Variants in ATL3 observed in about 807,000 individuals in gnomAD.
The protein encoded by ATL3 is atlastin GTPase 3.
ATL3 carries 49 observed loss-of-function variants against 69.5 expected under a neutral mutation model. That is an observed-to-expected ratio of 0.71 (90% confidence interval 0.56 to 0.89). The LOEUF (loss-of-function observed/expected upper bound fraction) is 0.89. Ranked by LOEUF, ATL3 falls within the 40% of genes least tolerant of loss-of-function variation. The probability of loss-of-function intolerance (pLI) is 0.00; values close to 1 mark genes in which losing one functional copy is unlikely to be tolerated. For synonymous variants in ATL3, 214 were observed against 224.1 expected (o/e 0.95, Z 0.40); for missense variants, 606 against 645.7 (o/e 0.94, Z 0.67).
intron 1 of ATL3, among the ~76,000 whole-genome samples, chr11:63,668,302 G>GT (rs773593489): frequency 2.0e-5 from 3 of 152,164 alleles, no homozygotes; most frequent in Non-Finnish European, 4.4e-5. Context: ...ACAGGCAAGA[G>GT]TAAGTATACT....
Position 63,624,310 on chromosome 11 carries a change from A to G in ATL3, c.*5009T>C, listed in dbSNP as rs1416917125. 6.6e-6 allele frequency: 1 copy of G among 152,226 alleles called. No homozygotes were observed. The highest frequency in any genetic ancestry group is 1.5e-5 in the Non-Finnish European group (1 of 68,036). The allele number at this position is 152,226 out of a possible 1,614,324, so 9.4% of individuals were successfully genotyped here. On this transcript the variant is annotated 3_prime_UTR_variant, in exon 13 of 13. Coordinates refer to ENST00000398868, the MANE Select transcript of ATL3 (RefSeq NM_015459.5). Reference sequence around the variant, plus strand: ...AAATTTGTGTATGTACAAGATTAGTATTAACTCCTTTAAGGCTTACATCCA... The same window carrying G: ...AAATTTGTGTATGTACAAGATTAGTGTTAACTCCTTTAAGGCTTACATCCA...
rs1182508355 is a variant in ATL3, at chr11:63,658,863, T to C, written c.303A>G (p.Glu101=). The part of the protein sequence containing the change: ...GHSNWLGDPE[E]PLTGFSWRGG... ...CTCTCCAGGAAAATCCTGTTAACGG[T>C]TCTTCTGGGTCACCCAACCAATTTG... The change falls in exon 3 of 13, where the codon GAA becomes GAG. Residue 101 remains glutamate, a synonymous_variant. Coordinates refer to ENST00000398868, the MANE Select transcript of ATL3 (RefSeq NM_015459.5). 2 of 1,610,316 alleles carry C rather than the reference T, an allele frequency of 1.2e-6. No individual in the cohort carries two copies. The highest frequency in any genetic ancestry group is 1.3e-5 in the African/African-American group (1 of 74,828).
In ATL3 at chr11:63,652,359, A is replaced by G. The variant is rs115930863; in HGVS notation, c.510+112T>C. 5.1e-4 allele frequency: 356 copies of G among 692,486 alleles called. 2 individuals carry two copies. The African/African-American group carries it at 6.0e-3, about 12-fold the overall frequency. 42.9% of individuals were successfully genotyped at this position (692,486 alleles called of 1,614,324 possible). On this transcript the variant is annotated intron_variant, in intron 4 of 12. Transcript: ENST00000398868. Reference sequence around the variant, plus strand: ...TAACTGCATCTACAGTTTAAAAATAATATTTACATATCATCCTAGAAATTC... The same window carrying G: ...TAACTGCATCTACAGTTTAAAAATAGTATTTACATATCATCCTAGAAATTC...
intron 4 of ATL3, 62 bp from the exon 5 acceptor site, chr11:63,652,048 C>A (rs1158039499): frequency 2.6e-6 from 4 of 1,558,952 alleles, no homozygotes; most frequent in Admixed American, 2.2e-5. Flanking sequence ...CCCAAATAAG[C>A]CTAAAGGGCT....
At chr11:63,669,671 G>A (rs1358917414) in intron 1 of ATL3, among the ~76,000 whole-genome samples, 2 of 152,088 alleles carry the variant, frequency 1.3e-5, no homozygotes, top group Non-Finnish European at 2.9e-5. Flanking sequence ...GGCCGGGCAC[G>A]ATGGCTCACG....
chr11:63,659,016 A>C, intron 2 of ATL3, 22 bp downstream of exon 2: 1 of 1,611,250 alleles, frequency 6.2e-7, no homozygotes, highest in Non-Finnish European at 8.5e-7. Context: ...TTTTTACTTG[A>C]AATAAAATAA....
At chr11:63,671,226 G>C (rs1031746503) in intron 1 of ATL3, 64 bp downstream of exon 1, 4 of 1,512,210 alleles carry the variant, frequency 2.6e-6, no homozygotes, top group South Asian at 2.5e-5. Flanking sequence ...GTTCTTTTCA[G>C]AACTACAGCA....
At chr11:63,649,446 G>C (rs1010139883) in intron 5 of ATL3, among the ~76,000 whole-genome samples, 3 of 151,526 alleles carry the variant, frequency 2.0e-5, no homozygotes, top group Non-Finnish European at 2.9e-5. Context: ...ACCCAGCTGT[G>C]ATTTCTTTTT....
At chr11:63,636,145 T>C (rs1939507278) in intron 9 of ATL3, 62 bp downstream of exon 9, 1 of 1,564,952 alleles carries the variant, frequency 6.4e-7, no homozygotes, top group East Asian at 2.2e-5. Flanking sequence ...TTCAAGTTGA[T>C]TTACGAGTGA....
intron 1 of ATL3, among the ~76,000 whole-genome samples, chr11:63,669,479 G>C (rs921895846): frequency 6.6e-6 from 1 of 151,762 alleles, no homozygotes; most frequent in Admixed American, 6.6e-5. Context: ...AGGTTGCAGT[G>C]AGCAGAGATC....
At position 63,629,146 on chromosome 11, in the gene ATL3, T is replaced by C. The variant is rs1241653685; in HGVS notation, c.*173A>G. 6.8e-6 allele frequency: 4 copies of C among 587,276 alleles called. No individual in the cohort carries two copies. Among genetic ancestry groups the C allele is most frequent in the Non-Finnish European group, 1.2e-5 (4 of 324,548 alleles). The allele number at this position is 587,276 out of a possible 1,614,324, so 36.4% of individuals were successfully genotyped here. A position where few individuals can be genotyped will look rare whatever the true frequency, so the allele number is the denominator to read the frequency against. On this transcript the variant is annotated 3_prime_UTR_variant, in exon 13 of 13. Coordinates refer to ENST00000398868, the MANE Select transcript of ATL3 (RefSeq NM_015459.5). ...CTTCCAAGAGAAATGGAAGTGTGTT[T>C]AATAATTTGAAACCACAGGAGAGGT...
chr11:63,670,685 C>T (rs1273121770), intron 1 of ATL3, among the ~76,000 whole-genome samples: 1 of 152,234 alleles, frequency 6.6e-6, no homozygotes, highest in African/African-American at 2.4e-5. Flanking sequence ...CAATTCTTTA[C>T]AGCGTTAAGT....
chr11:63,634,069 G>A (rs1053862319), intron 10 of ATL3, among the ~76,000 whole-genome samples: 2 of 149,260 alleles, frequency 1.3e-5, no homozygotes, highest in East Asian at 2.0e-4. Context: ...GGAAAAAGCC[G>A]GGTGTGGTGG....
At position 63,631,292 on chromosome 11, in the gene ATL3, G is replaced by A; in HGVS notation, c.1287C>T (p.Cys429=). Residue 429 remains cysteine (C), a synonymous_variant, in exon 12 of 13, where the codon TGC becomes TGT. Transcript: ENST00000398868. ...AGACGTTCTTGCTACCATTGTGCTT[G>A]CAGAAGTTCTCATATAATTCCTTGA... ...EEIKELYENF[C]KHNGSKNVFS... is the part of the protein sequence containing the mutation. The A allele has an allele frequency of 6.2e-7, 1 of 1,614,214 alleles. No individual in the cohort carries two copies. The highest frequency in any genetic ancestry group is 8.5e-7 in the Non-Finnish European group (1 of 1,180,044).
intron 1 of ATL3, among the ~76,000 whole-genome samples, chr11:63,668,895 AGGCTCACTGCAGCCAACTTCCTG>A (rs1210661099): frequency 1.3e-4 from 20 of 149,670 alleles, no homozygotes; most frequent in African/African-American, 3.9e-4. Flanking sequence ...AAAAAAAAAA[AGGCTCACTGCAGCCAACTTCCTG>A]GGCTCACTCC....
chr11:63,629,280 G>C lies in ATL3; in HGVS notation c.*39C>G, dbSNP rs772880480. The C allele has an allele frequency of 9.1e-6, 14 of 1,545,750 alleles. No individual in the cohort carries two copies. Among genetic ancestry groups the C allele is most frequent in the Non-Finnish European group, 1.3e-5 (14 of 1,118,152 alleles). On this transcript the variant is annotated 3_prime_UTR_variant, in exon 13 of 13. Transcript: ENST00000398868. The stretch of plus-strand genomic sequence containing the variant: ...GTGGCAGAAACCCAGAAATCAGTAG[G>C]GGCTTGTTGTGTTCTTGTTTGATCT...
chr11:63,633,261 T>A (rs1172274819), intron 10 of ATL3, among the ~76,000 whole-genome samples, 164 bp from the exon 11 acceptor site: 1 of 152,162 alleles, frequency 6.6e-6, no homozygotes, highest in African/African-American at 2.4e-5. Flanking sequence ...ATACACTTTT[T>A]CTGCCAAATT....
chr11:63,660,439 T>C (rs1940386100), intron 1 of ATL3, among the ~76,000 whole-genome samples: 1 of 152,176 alleles, frequency 6.6e-6, no homozygotes, highest in Non-Finnish European at 1.5e-5. Flanking sequence ...GGACAGGGTA[T>C]GAAGCAACCG....
chr11:63,643,340 T>C lies in ATL3; in HGVS notation c.850+17A>G. The C allele has an allele frequency of 6.4e-7, 1 of 1,567,442 alleles. No homozygotes were observed. Among genetic ancestry groups the C allele is most frequent in the South Asian group, 1.2e-5 (1 of 82,908 alleles). On this transcript the variant is annotated intron_variant, in intron 8 of 12. Coordinates refer to ENST00000398868, the MANE Select transcript of ATL3 (RefSeq NM_015459.5). ...CAAAGATCGAATCACAGGTTTAAAA[T>C]AACACCTGGAACACACCTTTTAATT...
Sources: allele counts gnomAD v4.1 joint callset (sites outside exome capture counted in the v4.1 genomes callset), GRCh38; gene constraint gnomAD v4.1.1; transcripts MANE v1.5; gene names NCBI Gene and HGNC (gene_info 2026-07-23, HGNC 2026-07-21).